Variants in FOXJ3 observed in about 807,000 individuals in gnomAD.
The protein encoded by FOXJ3 is forkhead box protein J3.
FOXJ3 carries 22 observed loss-of-function variants against 76.1 expected under a neutral mutation model. That is an observed-to-expected ratio of 0.29 (90% CI 0.21 to 0.41). The LOEUF is 0.41. Among genes scored for constraint, FOXJ3 ranks in the 10% least tolerant of loss-of-function variants. The pLI is 1.00. For synonymous variants in FOXJ3, 269 were observed against 261.2 expected (o/e 1.03, Z -0.29); for missense variants, 613 against 762.1 (o/e 0.80, Z 2.30).
chr1:42,317,312 G>C (rs1655173106), intron 1 of FOXJ3, among the ~76,000 whole-genome samples: 2 of 152,114 alleles, frequency 1.3e-5, no homozygotes, highest in South Asian at 4.2e-4. Flanking sequence ...TGTGCCAGAG[G>C]AAAGAGTAAA....
At chr1:42,283,459 T>C (rs1652856873) in intron 2 of FOXJ3, among the ~76,000 whole-genome samples, 1 of 152,160 alleles carries the variant, frequency 6.6e-6, no homozygotes, top group African/African-American at 2.4e-5. Context: ...GCAACTTTCC[T>C]AATTCCCAAA....
In FOXJ3 at chr1:42,260,793, A is replaced by C. The variant is rs561424373; in HGVS notation, c.444+4322T>G. On this transcript the variant is annotated intron_variant, in intron 4 of 12. Coordinates refer to ENST00000361346, the MANE Select transcript of FOXJ3 (RefSeq NM_014947.5). Reference sequence around the variant, plus strand: ...ATCTCTATGGTCACTGAGGCTTTACAACTTCCCATTCCCAGGCAAGACAAA... The same window carrying C: ...ATCTCTATGGTCACTGAGGCTTTACCACTTCCCATTCCCAGGCAAGACAAA... Among the ~76,000 whole-genome samples, 3 of 152,298 alleles carry C rather than the reference A, an allele frequency of 2.0e-5. 1 individual carries two copies. Among genetic ancestry groups the C allele is most frequent in the African/African-American group, 7.2e-5 (3 of 41,568 alleles).
intron 11 of FOXJ3, among the ~76,000 whole-genome samples, chr1:42,184,569 C>T (rs1421972218): frequency 6.6e-6 from 1 of 151,990 alleles, no homozygotes; most frequent in Non-Finnish European, 1.5e-5. Flanking sequence ...AGATTTCAGG[C>T]ACTGCTCGAG....
At chr1:42,239,130 C>T (rs1648930305) in intron 4 of FOXJ3, among the ~76,000 whole-genome samples, 1 of 152,138 alleles carries the variant, frequency 6.6e-6, no homozygotes, top group Non-Finnish European at 1.5e-5. Flanking sequence ...TATCCTGTAA[C>T]CTTGCTAAAC....
In FOXJ3 at chr1:42,317,000, T is replaced by C. The variant is rs71654236; in HGVS notation, c.-17-5890A>G. On this transcript the variant is annotated intron_variant, in intron 1 of 12. Transcript: ENST00000361346. ...ACTTATTCATGTAACTAAGCACCAC[T>C]TGTTCCCCAAAAACCTACTGAAATA... Among the ~76,000 whole-genome samples the C allele has an allele frequency of 9.9e-3, 1,513 of 152,244 alleles. 9 individuals are homozygous for C. The highest frequency in any genetic ancestry group is 0.014 in the Non-Finnish European group (971 of 67,998).
chr1:42,186,823 T>C (rs777796090), intron 11 of FOXJ3, among the ~76,000 whole-genome samples: 2 of 152,164 alleles, frequency 1.3e-5, no homozygotes, highest in African/African-American at 4.8e-5. Flanking sequence ...CTGCCTAACA[T>C]GTACACTGGC....
intron 3 of FOXJ3, among the ~76,000 whole-genome samples, chr1:42,277,933 C>T (rs1205724691): frequency 2.0e-5 from 3 of 148,302 alleles, no homozygotes; most frequent in Non-Finnish European, 1.5e-5. Flanking sequence ...GCCAAGATCG[C>T]GCCACTGCAC....
rs116098553 is a variant in FOXJ3, at chr1:42,267,397, T to A, written c.370-2208A>T. On this transcript the variant is annotated intron_variant, in intron 3 of 12. Coordinates refer to ENST00000361346, the MANE Select transcript of FOXJ3 (RefSeq NM_014947.5). Reference sequence around the variant, plus strand: ...CACTGCTGGAGGAATGTAAAGTTTGTGGTATACTGAAGATAAAGACATAAA... The same window carrying A: ...CACTGCTGGAGGAATGTAAAGTTTGAGGTATACTGAAGATAAAGACATAAA... Among the ~76,000 whole-genome samples the A allele has an allele frequency of 4.1e-3, 627 of 152,224 alleles. 3 individuals are homozygous for A. The highest frequency in any genetic ancestry group is 0.014 in the African/African-American group (584 of 41,528).
intron 2 of FOXJ3, among the ~76,000 whole-genome samples, chr1:42,310,131 A>G (rs1330732988): frequency 6.6e-6 from 1 of 151,954 alleles, no homozygotes; most frequent in Non-Finnish European, 1.5e-5. Context: ...AATTAAATTG[A>G]GTAGAAAGCA....
At chr1:42,260,734 AATTTGT>A (rs1650969619) in intron 4 of FOXJ3, among the ~76,000 whole-genome samples, 1 of 152,204 alleles carries the variant, frequency 6.6e-6, no homozygotes, top group Admixed American at 6.5e-5. Flanking sequence ...CTTAGCAGTG[AATTTGT>A]TATTTCCTCA....
intron 5 of FOXJ3, among the ~76,000 whole-genome samples, chr1:42,207,852 G>C (rs6665972): frequency 0.12 from 18,830 of 152,194 alleles, 1,522 homozygotes; most frequent in Admixed American, 0.23. Context: ...AGAGCAAGGT[G>C]AAATAGAAGA....
intron 4 of FOXJ3, among the ~76,000 whole-genome samples, chr1:42,229,709 C>CA (rs1647907096): frequency 6.6e-6 from 1 of 152,010 alleles, no homozygotes; most frequent in Non-Finnish European, 1.5e-5. Flanking sequence ...GCAGATGCTA[C>CA]AAAAAGCACT....
chr1:42,293,798 T>C (rs78011413), intron 2 of FOXJ3, among the ~76,000 whole-genome samples: 1,896 of 152,290 alleles, frequency 0.012, 35 homozygotes, highest in African/African-American at 0.043. Context: ...AGCTGATACA[T>C]CATTTTGCAA....
chr1:42,311,399 G>C (rs539145325), intron 1 of FOXJ3, among the ~76,000 whole-genome samples: 6 of 152,270 alleles, frequency 3.9e-5, no homozygotes, highest in African/African-American at 1.4e-4. Context: ...AAGAAGCTGA[G>C]ATTTCATAAT....
At chr1:42,265,320 T>A in intron 3 of FOXJ3, 131 bp from the exon 4 acceptor site, 1 of 530,558 alleles carries the variant, frequency 1.9e-6, no homozygotes, top group Admixed American at 3.7e-5. Context: ...AACTTTTTAA[T>A]CAGCTTAAAA....
At chr1:42,257,629 CA>C in intron 4 of FOXJ3, among the ~76,000 whole-genome samples, 1 of 151,200 alleles carries the variant, frequency 6.6e-6, no homozygotes, top group South Asian at 2.1e-4. Context: ...ATCCCGCCTA[CA>C]GGGGAGGGTG....
At chr1:42,242,811 T>C (rs1383336656) in intron 4 of FOXJ3, among the ~76,000 whole-genome samples, 1 of 152,162 alleles carries the variant, frequency 6.6e-6, no homozygotes. Flanking sequence ...CAATCTATTA[T>C]AGCAAGAGAT....
chr1:42,202,431 C>T (rs1251570175), intron 6 of FOXJ3, among the ~76,000 whole-genome samples: 1 of 151,142 alleles, frequency 6.6e-6, no homozygotes, highest in Admixed American at 6.6e-5. Flanking sequence ...AAGTAAAGAA[C>T]ATTAGTGAGC....
chr1:42,280,455 A>AAAC (rs1338031788), intron 2 of FOXJ3: 6 of 964,230 alleles, frequency 6.2e-6, no homozygotes, highest in Non-Finnish European at 7.4e-6. Flanking sequence ...AAAAAAAAAA[A>AAAC]AAAAAAAAAA....
Sources: allele counts gnomAD v4.1 joint callset (sites outside exome capture counted in the v4.1 genomes callset), GRCh38; gene constraint gnomAD v4.1.1; transcripts MANE v1.5; gene names NCBI Gene and HGNC (gene_info 2026-07-23, HGNC 2026-07-21).